The following KCNQ1OT1 variants were observed in gnomAD, a reference collection of about 807,000 sequenced individuals.
KCNQ1OT1 encodes KCNQ1 antisense RNA 2 (non-protein coding).
At chr11:2,619,982 G>C (rs1223350071) in exon 1 of KCNQ1OT1, 2 of 397,958 alleles carry the variant, frequency 5.0e-6, no homozygotes, top group South Asian at 1.3e-4. Context: ...AGTGAGCATA[G>C]TACCCAATAG....
At position 2,687,409 on chromosome 11, in the gene KCNQ1OT1, T is replaced by G; in HGVS notation, n.12586A>C. On this transcript the variant is annotated non_coding_transcript_exon_variant, in exon 1 of 1. Transcript: ENST00000597346. The surrounding 1 kb of genome is among the most constrained non-coding windows in gnomAD (Gnocchi z 5.0). ...TCTGCTGAAGGATCTGGGAGGTCAG[T>G]AGGCACCTGTGTCCACCCAGCTGTC... 1 of 398,594 alleles carries G rather than the reference T, an allele frequency of 2.5e-6. No homozygotes were observed. Among genetic ancestry groups the G allele is most frequent in the Non-Finnish European group, 4.4e-6 (1 of 226,092 alleles). The allele number at this position is 398,594 out of a possible 1,614,324, so 24.7% of individuals were successfully genotyped here.
rs1249014320 is a variant in KCNQ1OT1 at position 2,677,460 on chromosome 11, C to T, written n.22535G>A. 16 of 398,350 alleles carry T rather than the reference C, an allele frequency of 4.0e-5. No individual in the cohort carries two copies. Among genetic ancestry groups the T allele is most frequent in the African/African-American group, 3.3e-4 (16 of 48,584 alleles). 24.7% of individuals were successfully genotyped at this position (398,350 alleles called of 1,614,324 possible). A position where few individuals can be genotyped will look rare whatever the true frequency, so the allele number is the denominator to read the frequency against. On this transcript the variant is annotated non_coding_transcript_exon_variant, in exon 1 of 1. Coordinates refer to ENST00000597346, the Ensembl canonical transcript of KCNQ1OT1. The surrounding 1 kb of genome is among the most constrained non-coding windows in gnomAD (Gnocchi z 4.5). ...TAATTGATGCAGGTGGCCTCTTGGT[C>T]AAGCAGTGAAACCATGCCATACTTC...
rs1040346639 is a variant in KCNQ1OT1 at position 2,695,522 on chromosome 11, C to T, written n.4473G>A. On this transcript the variant is annotated non_coding_transcript_exon_variant, in exon 1 of 1. Transcript: ENST00000597346. The surrounding 1 kb of genome is among the most constrained non-coding windows in gnomAD (Gnocchi z 5.2). ...GTCCCCTGCTCCTAACCACAGTGAC[C>T]AGCTCCAACTGCCCACCCCTATGGG... The T allele has an allele frequency of 2.3e-5, 9 of 398,540 alleles. No individual in the cohort carries two copies. Among genetic ancestry groups the T allele is most frequent in the Non-Finnish European group, 4.0e-5 (9 of 226,128 alleles). 24.7% of individuals were successfully genotyped at this position (398,540 alleles called of 1,614,324 possible). A position where few individuals can be genotyped will look rare whatever the true frequency, so the allele number is the denominator to read the frequency against.
chr11:2,687,773 C>T lies in KCNQ1OT1; in HGVS notation n.12222G>A, dbSNP rs1850516073. On this transcript the variant is annotated non_coding_transcript_exon_variant, in exon 1 of 1. Transcript: ENST00000597346. This position sits in a 1 kb window ranked among gnomAD's most constrained non-coding sequence, Gnocchi z 5.0. ...CTGAGAAGAGGAGCCCCTTAGCAGGCCTAACCACACCCCTAAGCCACCCAG... is the reference window on the plus strand; with the variant it reads ...CTGAGAAGAGGAGCCCCTTAGCAGGTCTAACCACACCCCTAAGCCACCCAG... 1 of 398,740 alleles carries T rather than the reference C, an allele frequency of 2.5e-6. No individual in the cohort carries two copies. Among genetic ancestry groups the T allele is most frequent in the Non-Finnish European group, 4.4e-6 (1 of 226,176 alleles). 24.7% of individuals were successfully genotyped at this position (398,740 alleles called of 1,614,324 possible). A position where few individuals can be genotyped will look rare whatever the true frequency, so the allele number is the denominator to read the frequency against.
At position 2,690,274 on chromosome 11, in the gene KCNQ1OT1, CAT is replaced by C. The variant is rs1346199901; in HGVS notation, n.9719_9720del. On this transcript the variant is annotated non_coding_transcript_exon_variant, in exon 1 of 1. Coordinates refer to ENST00000597346, the Ensembl canonical transcript of KCNQ1OT1. The surrounding 1 kb of genome is among the most constrained non-coding windows in gnomAD (Gnocchi z 5.1). ...TGAGCTGCTCCTTGCTGCATCTGCA[CAT>C]ATGTGTAGTGTCTTCCTCCCTGTAG... The C allele has an allele frequency of 1.0e-5, 4 of 398,648 alleles. No individual in the cohort carries two copies. The highest frequency in any genetic ancestry group is 1.8e-5 in the Non-Finnish European group (4 of 226,152). 24.7% of individuals were successfully genotyped at this position (398,648 alleles called of 1,614,324 possible).
chr11:2,656,839 T>G (rs975736244), exon 1 of KCNQ1OT1: 1 of 398,544 alleles, frequency 2.5e-6, no homozygotes, highest in African/African-American at 2.1e-5. Context: ...CCTTTATAGT[T>G]ATGCTTTTCA....
In KCNQ1OT1 at chr11:2,657,478, CTT is replaced by C. The variant is rs1482558686; in HGVS notation, n.42515_42516del. The C allele has an allele frequency of 1.3e-5, 5 of 398,506 alleles. No homozygotes were observed. Among genetic ancestry groups the C allele is most frequent in the South Asian group, 1.3e-4 (1 of 7,854 alleles). 24.7% of individuals were successfully genotyped at this position (398,506 alleles called of 1,614,324 possible). A position where few individuals can be genotyped will look rare whatever the true frequency, so the allele number is the denominator to read the frequency against. ...CTATTGTATACAGGTTCTGTTTTCT[CTT>C]GTTACCTCACATTTTTTATTTACAG... On this transcript the variant is annotated non_coding_transcript_exon_variant, in exon 1 of 1. Coordinates refer to ENST00000597346, the Ensembl canonical transcript of KCNQ1OT1. The surrounding 1 kb of genome is among the most constrained non-coding windows in gnomAD (Gnocchi z 4.8).
Position 2,676,632 on chromosome 11 carries a change from G to A in KCNQ1OT1, n.23363C>T, listed in dbSNP as rs1006685279. On this transcript the variant is annotated non_coding_transcript_exon_variant, in exon 1 of 1. Transcript: ENST00000597346. This position sits in a 1 kb window ranked among gnomAD's most constrained non-coding sequence, Gnocchi z 4.2. The stretch of plus-strand genomic sequence containing the variant: ...CCTCTAAGAAATGGGTAGCTTCACA[G>A]ATTCACAGATAGATAGTTCATTAAG... 3 of 398,684 alleles carry A rather than the reference G, an allele frequency of 7.5e-6. No homozygotes were observed. Among genetic ancestry groups the A allele is most frequent in the Admixed American group, 4.4e-5 (1 of 22,736 alleles). 24.7% of individuals were successfully genotyped at this position (398,684 alleles called of 1,614,324 possible). A position where few individuals can be genotyped will look rare whatever the true frequency, so the allele number is the denominator to read the frequency against.
exon 1 of KCNQ1OT1, chr11:2,675,862 C>T (rs887569071): frequency 2.8e-5 from 11 of 398,590 alleles, no homozygotes; most frequent in African/African-American, 1.6e-4. Context: ...CCAACACCTG[C>T]CTTCTGGGGA....
exon 1 of KCNQ1OT1, chr11:2,666,106 G>T: frequency 2.5e-6 from 1 of 398,652 alleles, no homozygotes; most frequent in South Asian, 1.3e-4. Context: ...CCAGTCATGT[G>T]GTTTCTCTGA....
chr11:2,629,575 T>G (rs1849318796), exon 1 of KCNQ1OT1: 2 of 398,524 alleles, frequency 5.0e-6, no homozygotes, highest in Non-Finnish European at 8.8e-6. Context: ...TGGCACCATT[T>G]GTTGAAAAGA....
chr11:2,620,785 G>A lies in KCNQ1OT1; in HGVS notation n.79210C>T. Reference sequence around the variant, plus strand: ...CTCCAAACTGCTTAGCACAGTGGCTGAACTAATTTGTATTCCTGCCAACAG... The same window carrying A: ...CTCCAAACTGCTTAGCACAGTGGCTAAACTAATTTGTATTCCTGCCAACAG... On this transcript the variant is annotated non_coding_transcript_exon_variant, in exon 1 of 1. Transcript: ENST00000597346. The surrounding 1 kb of genome is among the most constrained non-coding windows in gnomAD (Gnocchi z 4.5). 2.5e-6 allele frequency: 1 copy of A among 398,584 alleles called. No individual in the cohort carries two copies. The highest frequency in any genetic ancestry group is 3.6e-5 in the East Asian group (1 of 28,064). 24.7% of individuals were successfully genotyped at this position (398,584 alleles called of 1,614,324 possible).
At chr11:2,684,498 A>G (rs1180058873) in exon 1 of KCNQ1OT1, 4 of 398,616 alleles carry the variant, frequency 1.0e-5, no homozygotes, top group African/African-American at 6.2e-5. Flanking sequence ...TTCTCCTTCT[A>G]TTCCTCCTAT....
In KCNQ1OT1 at chr11:2,687,670, C is replaced by T. The variant is rs989219807; in HGVS notation, n.12325G>A. On this transcript the variant is annotated non_coding_transcript_exon_variant, in exon 1 of 1. Transcript: ENST00000597346. This position sits in a 1 kb window ranked among gnomAD's most constrained non-coding sequence, Gnocchi z 5.0. ...TGGGACCTGTCCTTGCCAGCCAGGT[C>T]TCAGGGAGCTCAGGGTTCAGTGTTG... The T allele has an allele frequency of 2.5e-6, 1 of 398,702 alleles. No homozygotes were observed. The highest frequency in any genetic ancestry group is 2.1e-5 in the African/African-American group (1 of 48,754). The allele number at this position is 398,702 out of a possible 1,614,324, so 24.7% of individuals were successfully genotyped here. A position where few individuals can be genotyped will look rare whatever the true frequency, so the allele number is the denominator to read the frequency against.
Position 2,670,022 on chromosome 11 carries a change from G to A in KCNQ1OT1, n.29973C>T. On this transcript the variant is annotated non_coding_transcript_exon_variant, in exon 1 of 1. Coordinates refer to ENST00000597346, the Ensembl canonical transcript of KCNQ1OT1. This position sits in a 1 kb window ranked among gnomAD's most constrained non-coding sequence, Gnocchi z 4.9. ...GGTTCAGGAGCTGTTGGGGTCCCGT[G>A]GAGGTACAGGCGGAAACCTAGCACT... 5.0e-6 allele frequency: 2 copies of A among 398,646 alleles called. No individual in the cohort carries two copies. Among genetic ancestry groups the A allele is most frequent in the Non-Finnish European group, 8.8e-6 (2 of 226,102 alleles). 24.7% of individuals were successfully genotyped at this position (398,646 alleles called of 1,614,324 possible). A position where few individuals can be genotyped will look rare whatever the true frequency, so the allele number is the denominator to read the frequency against.
exon 1 of KCNQ1OT1, chr11:2,609,812 CCTTTGA>C (rs1848949008): frequency 2.5e-6 from 1 of 398,076 alleles, no homozygotes; most frequent in Non-Finnish European, 4.4e-6. Flanking sequence ...TTTAAAATCT[CCTTTGA>C]CTTTATTATA....
exon 1 of KCNQ1OT1, chr11:2,618,671 G>C: frequency 2.5e-6 from 1 of 398,400 alleles, no homozygotes; most frequent in Non-Finnish European, 4.4e-6. Flanking sequence ...GAATTTCGTT[G>C]GCTACTTAAG....
chr11:2,615,258 CTGCAATTT>C (rs1292824934), exon 1 of KCNQ1OT1: 8 of 397,954 alleles, frequency 2.0e-5, no homozygotes. Flanking sequence ...AACATGTACC[CTGCAATTT>C]TGCTGGACTT....
exon 1 of KCNQ1OT1, chr11:2,641,102 T>C (rs1439912582): frequency 7.5e-6 from 3 of 398,410 alleles, no homozygotes; most frequent in Non-Finnish European, 8.8e-6. Context: ...ATATCTTTGC[T>C]GTTGTGAATA....
Sources: gnomAD v4.1 joint callset for allele counts on GRCh38, gnomAD v4.1.1 for gene constraint, Gnocchi (gnomAD v3.1) non-coding constraint, MANE v1.5 for transcripts, NCBI Gene and HGNC (gene_info 2026-07-23, HGNC 2026-07-21) for gene names.